Variants in MYCBP2 observed in about 807,000 individuals in gnomAD.
The protein encoded by MYCBP2 is MYC binding protein 2, also known as E3 ubiquitin-protein ligase MYCBP2.
In MYCBP2, 120 loss-of-function variants were observed where a neutral mutation model predicts 525.3. The ratio of observed to expected loss-of-function variants is 0.23; its 90% CI spans 0.20 to 0.27. The LOEUF is 0.27. Among genes scored for constraint, MYCBP2 ranks in the 10% least tolerant of loss-of-function variants. MYCBP2 has a pLI of 1.00. For missense variants in MYCBP2, 4,149 were observed against 5,657.1 expected (o/e 0.73, Z 8.55); for synonymous variants, 1,894 against 1,955.8 (o/e 0.97, Z 0.83).
chr13:77,174,523 A>G (rs1318000115), intron 36 of MYCBP2, 34 bp from the exon 37 acceptor site: 1 of 1,560,772 alleles, frequency 6.4e-7, no homozygotes, highest in Admixed American at 1.7e-5. Flanking sequence ...TCTTTTATTC[A>G]CAATGTACAG....
rs536216227 is a variant in MYCBP2, at chr13:77,118,045, G to A, written c.8140+3328C>T. 1.1e-3 allele frequency among the ~76,000 whole-genome samples: 160 copies of A among 152,304 alleles called. 2 individuals are homozygous for A. The highest frequency in any genetic ancestry group is 7.9e-4 in the Non-Finnish European group (54 of 68,038). On this transcript the variant is annotated intron_variant, in intron 55 of 82. Coordinates refer to ENST00000544440, the MANE Select transcript of MYCBP2 (RefSeq NM_015057.5). Reference sequence around the variant, plus strand: ...GTCTCTCTTCTACCCACTGATAAGAGTGAAATGGCTTTATCCTTTTGGGAC... The same window carrying A: ...GTCTCTCTTCTACCCACTGATAAGAATGAAATGGCTTTATCCTTTTGGGAC...
At chr13:77,282,397 T>C (rs2076285568) in intron 3 of MYCBP2, among the ~76,000 whole-genome samples, 1 of 143,704 alleles carries the variant, frequency 7.0e-6, no homozygotes, top group African/African-American at 2.6e-5. Context: ...GCAAGCAGAG[T>C]GAAACTCCAT....
At chr13:77,230,839 C>T (rs952858314) in intron 18 of MYCBP2, among the ~76,000 whole-genome samples, 1 of 152,206 alleles carries the variant, frequency 6.6e-6, no homozygotes, top group East Asian at 1.9e-4. Context: ...GGACTGCAAC[C>T]TGTCACAGGA....
At chr13:77,070,473 G>A (rs2040998203) in intron 69 of MYCBP2, among the ~76,000 whole-genome samples, 158 bp downstream of exon 69, 1 of 151,272 alleles carries the variant, frequency 6.6e-6, no homozygotes, top group Non-Finnish European at 1.5e-5. Context: ...TTTATGTGTA[G>A]CCTAAGACAA....
chr13:77,081,811 C>T lies in MYCBP2; in HGVS notation c.11193+26G>A, dbSNP rs369984255. 22 of 1,600,092 alleles carry T rather than the reference C, an allele frequency of 1.4e-5. No homozygotes were observed. In the African/African-American group the frequency reaches 1.7e-4, roughly 13 times the overall value. On this transcript the variant is annotated intron_variant, in intron 64 of 82. Coordinates refer to ENST00000544440, the MANE Select transcript of MYCBP2 (RefSeq NM_015057.5). This position sits in a 1 kb window ranked among gnomAD's most constrained non-coding sequence, Gnocchi z 4.6. ...GATGTATTATTAACTAACAGGACAA[C>T]CAGGATAATAACTGAAATGACTGAC...
chr13:77,084,461 CT>C, intron 62 of MYCBP2, among the ~76,000 whole-genome samples: 1 of 152,270 alleles, frequency 6.6e-6, no homozygotes, highest in African/African-American at 2.4e-5. Flanking sequence ...TTTATATTGT[CT>C]TCTAAAGAAT....
chr13:77,221,971 A>G (rs1038296957), intron 20 of MYCBP2, among the ~76,000 whole-genome samples: 1 of 152,202 alleles, frequency 6.6e-6, no homozygotes, highest in Non-Finnish European at 1.5e-5. Flanking sequence ...TACAATGTAA[A>G]CACCATGTTA....
intron 8 of MYCBP2, among the ~76,000 whole-genome samples, chr13:77,266,746 G>GAAAAAAAAAAAAAAAAAA (rs56408804): frequency 1.1e-4 from 10 of 89,416 alleles, no homozygotes; most frequent in African/African-American, 4.0e-4. Flanking sequence ...GACTTGTAAT[G>GAAAAAAAAAAAAAAAAAA]AAAAAAAAAA....
chr13:77,065,472 A>T (rs745671550), intron 72 of MYCBP2, among the ~76,000 whole-genome samples: 2 of 152,178 alleles, frequency 1.3e-5, no homozygotes, highest in Admixed American at 6.5e-5. Flanking sequence ...CCTAGAAATA[A>T]TACAATGTGT....
At chr13:77,269,868 G>A in intron 7 of MYCBP2, 124 bp downstream of exon 7, 1 of 759,130 alleles carries the variant, frequency 1.3e-6, no homozygotes, top group Non-Finnish European at 2.2e-6. Flanking sequence ...AGTTATTATG[G>A]CCATATTAGT....
intron 20 of MYCBP2, among the ~76,000 whole-genome samples, chr13:77,222,087 G>A (rs1318393509): frequency 3.3e-5 from 5 of 152,150 alleles, no homozygotes; most frequent in African/African-American, 9.7e-5. Context: ...TTTCTGTCAA[G>A]ATTGATTGAA....
chr13:77,147,201 G>T (rs566711732), intron 47 of MYCBP2, among the ~76,000 whole-genome samples: 1 of 152,062 alleles, frequency 6.6e-6, no homozygotes, highest in African/African-American at 2.4e-5. Context: ...TATTCAGTAA[G>T]AGCCTAAAAA....
rs2059858794 is a variant in MYCBP2 at position 77,177,892 on chromosome 13, A to T, written c.5196T>A (p.Ser1732Arg). 1 of 1,613,740 alleles carries T rather than the reference A, an allele frequency of 6.2e-7. No homozygotes were observed. The change falls in exon 35 of 83, where the codon AGT becomes AGA. Residue 1732 changes from serine to arginine, a missense_variant. Around this residue, in one of 21 missense-constraint regions of MYCBP2, gnomAD observed 54 missense variants for 117.0 expected, o/e 0.46. Coordinates refer to ENST00000544440, the MANE Select transcript of MYCBP2 (RefSeq NM_015057.5). ...TCCCAGTGTTCCAACTTCTGCCCTG[A>T]CTTGTTTTTGTAAATCGGTTAGCAC... The part of the protein sequence containing the change: ...KASANRFTKT[S>R]QGRSWNTGNG...
At chr13:77,317,552 T>G (rs2081097534) in intron 1 of MYCBP2, among the ~76,000 whole-genome samples, 1 of 152,256 alleles carries the variant, frequency 6.6e-6, no homozygotes, top group Non-Finnish European at 1.5e-5. Context: ...CATCATCAGC[T>G]GTGCCATCAA....
chr13:77,251,118 A>C, intron 15 of MYCBP2, 33 bp downstream of exon 15: 1 of 1,596,644 alleles, frequency 6.3e-7, no homozygotes, highest in Non-Finnish European at 8.6e-7. Context: ...TGTGTTCTGC[A>C]CATGTTCTTT....
At chr13:77,080,298 C>A (rs1248185856) in intron 65 of MYCBP2, among the ~76,000 whole-genome samples, 1 of 152,112 alleles carries the variant, frequency 6.6e-6, no homozygotes, top group Non-Finnish European at 1.5e-5. Context: ...CCCAATCCTA[C>A]CACTGTGGCT....
intron 5 of MYCBP2, among the ~76,000 whole-genome samples, chr13:77,271,804 T>C (rs777215302): frequency 3.0e-4 from 46 of 152,190 alleles, no homozygotes; most frequent in Non-Finnish European, 5.1e-4. Flanking sequence ...CTCGGGTACA[T>C]CTCTATCAGC....
chr13:77,256,079 T>C (rs1296968187), intron 14 of MYCBP2, among the ~76,000 whole-genome samples: 1 of 152,040 alleles, frequency 6.6e-6, no homozygotes, highest in African/African-American at 2.4e-5. Flanking sequence ...CTTTGTTCTC[T>C]TCAATGGCCT....
chr13:77,142,502 C>T (rs1041563817), intron 49 of MYCBP2, among the ~76,000 whole-genome samples: 1 of 152,126 alleles, frequency 6.6e-6, no homozygotes, highest in South Asian at 2.1e-4. Flanking sequence ...ACCTCTTTAC[C>T]TCCACTGCCA....
Sources: gnomAD v4.1 joint callset for allele counts (sites outside exome capture counted in the v4.1 genomes callset) on GRCh38, gnomAD v4.1.1 for gene constraint, gnomAD v4.1.1 regional missense constraint, Gnocchi (gnomAD v3.1) non-coding constraint, MANE v1.5 for transcripts, NCBI Gene and HGNC (gene_info 2026-07-23, HGNC 2026-07-21) for gene names.